Variants in ETV6 observed in about 807,000 individuals in gnomAD.
ETV6 encodes the protein ETS variant transcription factor 6.
In ETV6, 16 loss-of-function variants were observed where a neutral mutation model predicts 51.1. The ratio of observed to expected loss-of-function variants is 0.31; its 90% CI spans 0.21 to 0.48. The LOEUF (loss-of-function observed/expected upper bound fraction) is 0.48, where lower values mean the gene tolerates loss of function less well. Ranked by LOEUF, ETV6 falls within the 20% of genes least tolerant of loss-of-function variation. The probability of loss-of-function intolerance (pLI) is 0.99; values close to 1 mark genes in which losing one functional copy is unlikely to be tolerated. For missense variants in ETV6, 458 were observed against 594.8 expected (o/e 0.77, Z 2.39); for synonymous variants, 240 against 224.1 (o/e 1.07, Z -0.64).
chr12:11,689,820 C>A (rs987136693), intron 1 of ETV6, among the ~76,000 whole-genome samples: 1 of 109,930 alleles, frequency 9.1e-6, no homozygotes, highest in African/African-American at 3.5e-5. Flanking sequence ...CCCCCCCCCC[C>A]CCACCCCCCT....
intron 1 of ETV6, among the ~76,000 whole-genome samples, chr12:11,687,073 A>G (rs747553450): frequency 3.9e-5 from 6 of 151,974 alleles, no homozygotes; most frequent in Non-Finnish European, 5.9e-5. Context: ...TTTAGTAGAG[A>G]CGGGGTTTCA....
At chr12:11,881,101 A>G (rs1591746378) in intron 5 of ETV6, among the ~76,000 whole-genome samples, 1 of 152,056 alleles carries the variant, frequency 6.6e-6, no homozygotes, top group East Asian at 1.9e-4. Flanking sequence ...CCACGCCTGG[A>G]TAATTTTTAA....
chr12:11,790,317 G>T lies in ETV6; in HGVS notation c.163+37738G>T, dbSNP rs1312724391. ...GTCTGCCTTCTATACTCAAACGTCT[G>T]GTGATCCCTGCATGTCTGCCCATTT... On this transcript the variant is annotated intron_variant, in intron 2 of 7. Transcript: ENST00000396373. Among the ~76,000 whole-genome samples the T allele has an allele frequency of 3.9e-5, 6 of 152,156 alleles. No individual in the cohort carries two copies. In the East Asian group the frequency reaches 1.2e-3, roughly 29 times the overall value.
chr12:11,858,240 T>C (rs1006569270), intron 4 of ETV6, among the ~76,000 whole-genome samples: 1 of 152,126 alleles, frequency 6.6e-6, no homozygotes, highest in African/African-American at 2.4e-5. Flanking sequence ...AACAATGATA[T>C]TACTTCCTTC....
At chr12:11,866,490 T>G (rs1946792418) in intron 4 of ETV6, among the ~76,000 whole-genome samples, 1 of 152,230 alleles carries the variant, frequency 6.6e-6, no homozygotes, top group African/African-American at 2.4e-5. Flanking sequence ...AGTATTGACT[T>G]TTGTTCTAGG....
intron 1 of ETV6, among the ~76,000 whole-genome samples, chr12:11,673,106 G>C (rs1363895277): frequency 6.6e-6 from 1 of 152,220 alleles, no homozygotes; most frequent in Non-Finnish European, 1.5e-5. Context: ...CTGGAGCTGG[G>C]TAACTGTGCA....
At position 11,839,184 on chromosome 12, in the gene ETV6, C is replaced by T. The variant is rs1565546078; in HGVS notation, c.208C>T (p.Leu70Phe). The stretch of plus-strand genomic sequence containing the variant: ...GAGCAGGGATGACGTAGCCCAGTGG[C>T]TCAAGTGGGCTGAAAATGAGTTTTC... The part of the protein sequence containing the change: ...YWSRDDVAQW[L>F]KWAENEFSLR... The change falls in exon 3 of 8, where the codon CTC becomes TTC. Residue 70 changes from leucine (L) to phenylalanine (F), a missense_variant. Coordinates refer to ENST00000396373, the MANE Select transcript of ETV6 (RefSeq NM_001987.5). The T allele has an allele frequency of 6.2e-7, 1 of 1,614,248 alleles. No individual in the cohort carries two copies. The highest frequency in any genetic ancestry group is 1.7e-5 in the Admixed American group (1 of 60,034).
At chr12:11,650,248 G>A (rs1863865867) in intron 1 of ETV6, 88 bp downstream of exon 1, 1 of 1,122,192 alleles carries the variant, frequency 8.9e-7, no homozygotes. Flanking sequence ...AGAGCAGGCT[G>A]TTGCAGTTGC....
intron 1 of ETV6, among the ~76,000 whole-genome samples, chr12:11,748,402 C>A (rs948346354): frequency 6.6e-6 from 1 of 152,204 alleles, no homozygotes; most frequent in African/African-American, 2.4e-5. Context: ...CATCTTTTTG[C>A]AAGCACAACC....
At chr12:11,692,244 C>T (rs895647290) in intron 1 of ETV6, among the ~76,000 whole-genome samples, 21 of 152,154 alleles carry the variant, frequency 1.4e-4, no homozygotes, top group African/African-American at 5.1e-4. Flanking sequence ...CTAGCATGCT[C>T]TGCCCCTTAC....
chr12:11,872,494 C>CTTTT (rs10528272), intron 5 of ETV6, among the ~76,000 whole-genome samples: 18 of 142,646 alleles, frequency 1.3e-4, no homozygotes, highest in Non-Finnish European at 2.6e-4. Flanking sequence ...AATTATATTA[C>CTTTT]TTTTTTTTTT....
intron 2 of ETV6, among the ~76,000 whole-genome samples, chr12:11,808,449 A>C (rs1179977965): frequency 2.8e-5 from 4 of 143,398 alleles, no homozygotes; most frequent in Non-Finnish European, 5.9e-5. Flanking sequence ...AAAAACAAAA[A>C]AAAAAAACCC....
In ETV6 at chr12:11,890,552, C is replaced by A. The variant is rs1016445040; in HGVS notation, c.1254-389C>A. 2.0e-5 allele frequency among the ~76,000 whole-genome samples: 3 copies of A among 151,932 alleles called. No homozygotes were observed. The East Asian group carries it at 5.8e-4, about 30-fold the overall frequency. On this transcript the variant is annotated intron_variant, in intron 7 of 7. Transcript: ENST00000396373. Reference sequence around the variant, plus strand: ...AAGGGATTCTCCCACCTCAGCCTCCCAAGTAGCTAGGACTACAGGTGCACA... The same window carrying A: ...AAGGGATTCTCCCACCTCAGCCTCCAAAGTAGCTAGGACTACAGGTGCACA...
intron 1 of ETV6, among the ~76,000 whole-genome samples, chr12:11,672,054 C>T (rs530423274): frequency 2.0e-5 from 3 of 150,238 alleles, no homozygotes; most frequent in Non-Finnish European, 3.0e-5. Context: ...CTAGGATGTA[C>T]GCATAAAACA....
chr12:11,751,296 A>G, intron 1 of ETV6: 3 of 517,202 alleles, frequency 5.8e-6, no homozygotes, highest in South Asian at 4.2e-5. Flanking sequence ...CAAAACGTAA[A>G]CACTGCCTTC....
intron 3 of ETV6, among the ~76,000 whole-genome samples, chr12:11,852,029 ATTGT>A (rs1358663703): frequency 2.0e-5 from 3 of 152,170 alleles, no homozygotes; most frequent in African/African-American, 7.2e-5. Context: ...ACAAAGACCC[ATTGT>A]TTGTTATTAC....
At chr12:11,751,730 A>T (rs1012310396) in intron 1 of ETV6, 1 of 392,122 alleles carries the variant, frequency 2.6e-6, no homozygotes, top group Middle Eastern at 3.9e-4. Flanking sequence ...AATTCAGATA[A>T]TTCTTTGAAT....
chr12:11,760,483 T>TG (rs1371398477), intron 2 of ETV6, among the ~76,000 whole-genome samples: 1 of 152,258 alleles, frequency 6.6e-6, no homozygotes, highest in African/African-American at 2.4e-5. Flanking sequence ...ACTTCTGGGG[T>TG]GGGGGTACTA....
intron 2 of ETV6, among the ~76,000 whole-genome samples, chr12:11,812,601 G>A (rs1416042671): frequency 1.3e-5 from 2 of 152,060 alleles, no homozygotes; most frequent in Admixed American, 1.3e-4. Context: ...ATCAGACTTC[G>A]GGAGAGGATC....
Sources: allele counts gnomAD v4.1 joint callset (sites outside exome capture counted in the v4.1 genomes callset), GRCh38; gene constraint gnomAD v4.1.1; transcripts MANE v1.5; gene names NCBI Gene and HGNC (gene_info 2026-07-23, HGNC 2026-07-21).